Variants in MAST4 observed in about 807,000 individuals in gnomAD.
MAST4 encodes microtubule associated serine/threonine kinase family member 4, also known as microtubule-associated serine/threonine-protein kinase 4.
Under a neutral mutation model 162.7 loss-of-function variants are expected in MAST4, and 89 were observed. The observed-to-expected ratio is 0.55, with a 90% CI of 0.46 to 0.65. The LOEUF (loss-of-function observed/expected upper bound fraction) is 0.65, where lower values mean the gene tolerates loss of function less well. Among genes scored for constraint, MAST4 ranks in the 30% least tolerant of loss-of-function variants. MAST4 has a pLI of 0.00. For missense variants in MAST4, 3,153 were observed against 3,374.0 expected (o/e 0.93, Z 1.62); for synonymous variants, 1,479 against 1,361.1 (o/e 1.09, Z -1.91).
At chr5:66,659,986 G>C (rs1225578282) in intron 1 of MAST4, among the ~76,000 whole-genome samples, 1 of 152,010 alleles carries the variant, frequency 6.6e-6, no homozygotes, top group African/African-American at 2.4e-5. Flanking sequence ...TGAAGACATA[G>C]AGATGTGGTT....
chr5:67,120,063 A>T (rs1457042208), intron 13 of MAST4, among the ~76,000 whole-genome samples: 2 of 152,250 alleles, frequency 1.3e-5, no homozygotes, highest in South Asian at 2.1e-4. Context: ...TTGGCAGGTG[A>T]TGACTAAATA....
At chr5:67,122,435 T>C (rs1336427540) in intron 14 of MAST4, among the ~76,000 whole-genome samples, 1 of 152,222 alleles carries the variant, frequency 6.6e-6, no homozygotes, top group East Asian at 1.9e-4. Flanking sequence ...GGCTTATAAA[T>C]GCTTTCTGAT....
At chr5:66,788,589 A>T in intron 2 of MAST4, 81 bp from the exon 3 acceptor site, 1 of 738,450 alleles carries the variant, frequency 1.4e-6, no homozygotes, top group Non-Finnish European at 2.3e-6. Flanking sequence ...CCAGGAAGAG[A>T]CACCCCACCC....
chr5:66,633,195 A>G (rs1483098654), intron 1 of MAST4, among the ~76,000 whole-genome samples: 1 of 152,220 alleles, frequency 6.6e-6, no homozygotes, highest in Non-Finnish European at 1.5e-5. Context: ...TGTGTCTGAA[A>G]AGACCTTCAA....
At chr5:67,104,316 A>G (rs765145143) in intron 9 of MAST4, 50 bp from the exon 10 acceptor site, 6 of 1,357,116 alleles carry the variant, frequency 4.4e-6, no homozygotes, top group Admixed American at 1.7e-5. Flanking sequence ...AATTGTTTAC[A>G]TGTGTGTTTC....
At chr5:66,705,980 T>A (rs1580249266) in intron 1 of MAST4, among the ~76,000 whole-genome samples, 1 of 152,304 alleles carries the variant, frequency 6.6e-6, no homozygotes, top group East Asian at 1.9e-4. Context: ...TGGTTACACA[T>A]GATGTAAATA....
chr5:67,137,270 AT>A (rs1388041424), intron 19 of MAST4, among the ~76,000 whole-genome samples: 1 of 152,022 alleles, frequency 6.6e-6, no homozygotes, highest in East Asian at 1.9e-4. Context: ...CTTGCTGATT[AT>A]TTTTTCTGAC....
intron 2 of MAST4, among the ~76,000 whole-genome samples, chr5:66,773,490 G>T (rs1754449342): frequency 6.6e-6 from 1 of 152,220 alleles, no homozygotes; most frequent in African/African-American, 2.4e-5. Flanking sequence ...TGATATTATT[G>T]AAATGTCTGT....
At chr5:66,810,073 G>A (rs906528868) in intron 3 of MAST4, among the ~76,000 whole-genome samples, 3 of 152,178 alleles carry the variant, frequency 2.0e-5, no homozygotes, top group Admixed American at 1.3e-4. Context: ...CCAGTCCCTG[G>A]GGGGTGGACT....
chr5:66,845,085 T>TTATATATATATATATATATA (rs752796951), intron 3 of MAST4, among the ~76,000 whole-genome samples: 4 of 57,972 alleles, frequency 6.9e-5, no homozygotes, highest in African/African-American at 2.8e-4. Context: ...TCACTAATCT[T>TTATATATATATATATATATA]TATATATATA....
At chr5:66,651,654 C>T (rs1746228661) in intron 1 of MAST4, among the ~76,000 whole-genome samples, 1 of 152,044 alleles carries the variant, frequency 6.6e-6, no homozygotes, top group South Asian at 2.1e-4. Flanking sequence ...GCATTATCTG[C>T]TGGTTTCTGG....
chr5:66,999,561 A>G (rs1008017), intron 4 of MAST4, among the ~76,000 whole-genome samples: 34,858 of 152,062 alleles, frequency 0.23, 4,258 homozygotes, highest in Non-Finnish European at 0.27. Flanking sequence ...TTCTCTTCCC[A>G]TTCTGGCCAG....
intron 4 of MAST4, among the ~76,000 whole-genome samples, chr5:67,039,876 G>T (rs997152985): frequency 6.6e-6 from 1 of 152,048 alleles, no homozygotes; most frequent in African/African-American, 2.4e-5. Flanking sequence ...AAGTGCAACA[G>T]AAGAATCTAC....
chr5:66,631,697 A>C (rs1391914449), intron 1 of MAST4, among the ~76,000 whole-genome samples: 1 of 152,306 alleles, frequency 6.6e-6, no homozygotes, highest in East Asian at 1.9e-4. Context: ...AGCTTGCCCT[A>C]TATATAACCT....
chr5:66,698,057 C>T (rs991924259), intron 1 of MAST4, among the ~76,000 whole-genome samples: 1 of 151,884 alleles, frequency 6.6e-6, no homozygotes, highest in South Asian at 2.1e-4. Flanking sequence ...TTCAGTGGCT[C>T]TACCTGTTTC....
intron 8 of MAST4, among the ~76,000 whole-genome samples, chr5:67,102,193 G>GT (rs1311323149): frequency 6.6e-6 from 1 of 151,956 alleles, no homozygotes; most frequent in East Asian, 1.9e-4. Flanking sequence ...TTATTTTGCA[G>GT]TTTGTTAATT....
chr5:67,149,213 AC>A (rs1403038856), intron 23 of MAST4, among the ~76,000 whole-genome samples, 175 bp from the exon 24 acceptor site: 1 of 152,076 alleles, frequency 6.6e-6, no homozygotes, highest in African/African-American at 2.4e-5. Flanking sequence ...CCTCCACGTC[AC>A]CTTTCTCAAA....
chr5:66,821,078 A>G (rs759619236), intron 3 of MAST4, among the ~76,000 whole-genome samples: 9 of 152,216 alleles, frequency 5.9e-5, no homozygotes, highest in Non-Finnish European at 8.8e-5. Flanking sequence ...TATGCTTGCT[A>G]CTGATCCCAC....
At chr5:66,930,747 C>A (rs368652126) in intron 4 of MAST4, 1 of 470,778 alleles carries the variant, frequency 2.1e-6, no homozygotes. Flanking sequence ...TGTCTTTCAG[C>A]AACTGAGCGA....
Sources: allele counts gnomAD v4.1 joint callset (sites outside exome capture counted in the v4.1 genomes callset), GRCh38; gene constraint gnomAD v4.1.1; transcripts MANE v1.5; gene names NCBI Gene and HGNC (gene_info 2026-07-23, HGNC 2026-07-21).